The following EIF4E1B variants were observed in gnomAD, a reference collection of about 807,000 sequenced individuals.
EIF4E1B encodes eukaryotic translation initiation factor 4E type 1B.
A neutral mutation model predicts 31.3 loss-of-function variants in EIF4E1B; 22 were observed. That is an observed-to-expected ratio of 0.70 (90% confidence interval 0.50 to 1.00). EIF4E1B has a LOEUF of 1.00. Among genes scored for constraint, EIF4E1B ranks in the 50% least tolerant of loss-of-function variants. The pLI is 0.00. For missense variants in EIF4E1B, 290 were observed against 311.6 expected (o/e 0.93, Z 0.52); for synonymous variants, 126 against 120.2 (o/e 1.05, Z -0.31).
At chr5:176,643,031 AC>A (rs2113446522) in intron 3 of EIF4E1B, 50 bp from the exon 4 acceptor site, 1 of 1,556,654 alleles carries the variant, frequency 6.4e-7, no homozygotes, top group East Asian at 2.4e-5. Context: ...GGGCACAGGG[AC>A]AGCCAGGGCC....
At chr5:176,641,160 T>TAAAAC (rs910569175) in intron 1 of EIF4E1B, among the ~76,000 whole-genome samples, 4 of 151,724 alleles carry the variant, frequency 2.6e-5, no homozygotes, top group South Asian at 2.1e-4. Flanking sequence ...CTCTACAAAA[T>TAAAAC]AAAACAAAAC....
chr5:176,643,003 G>GC, intron 3 of EIF4E1B, 79 bp from the exon 4 acceptor site: 1 of 1,528,524 alleles, frequency 6.5e-7, no homozygotes, highest in Non-Finnish European at 8.8e-7. Flanking sequence ...CCCTCCTGGA[G>GC]CAGGGGATGG....
chr5:176,632,985 G>A lies in EIF4E1B; in HGVS notation c.-202+1921G>A, dbSNP rs533420701. Among the ~76,000 whole-genome samples, 8 of 152,314 alleles carry A rather than the reference G, an allele frequency of 5.3e-5. No individual in the cohort carries two copies. In the South Asian group the frequency reaches 1.7e-3, roughly 32 times the overall value. On this transcript the variant is annotated intron_variant, in intron 1 of 8. Coordinates refer to ENST00000318682, the MANE Select transcript of EIF4E1B (RefSeq NM_001099408.2). ...TGGGGGAGGGGTGTGTTCTGGTGTG[G>A]AAAAGTGGTGGTGGCAGCTCCTGCC...
In EIF4E1B at chr5:176,645,216, T is replaced by C; in HGVS notation, c.447T>C (p.Ile149=). 1.3e-6 allele frequency: 2 copies of C among 1,593,216 alleles called. No homozygotes were observed. Among genetic ancestry groups the C allele is most frequent in the Non-Finnish European group, 1.7e-6 (2 of 1,170,060 alleles). The change falls in exon 7 of 9, where the codon ATT becomes ATC. Residue 149 remains isoleucine, a synonymous_variant. Transcript: ENST00000318682. This position sits in a 1 kb window ranked among gnomAD's most constrained non-coding sequence, Gnocchi z 5.4. ...GCCTGGCCAAGCAGCAGCGCCACATTGAGCTGGACCGGCTGTGGCTGGAGA... is the reference window on the plus strand; with the variant it reads ...GCCTGGCCAAGCAGCAGCGCCACATCGAGCTGGACCGGCTGTGGCTGGAGA... The part of the protein sequence containing the change: ...LVSLAKQQRH[I]ELDRLWLETL...
intron 1 of EIF4E1B, among the ~76,000 whole-genome samples, chr5:176,635,075 T>A (rs1760472367): frequency 6.6e-6 from 1 of 151,620 alleles, no homozygotes; most frequent in African/African-American, 2.4e-5. Flanking sequence ...TAGGGCTGAG[T>A]GTGATCGTCC....
At chr5:176,642,843 C>T in intron 3 of EIF4E1B, 41 bp downstream of exon 3, 1 of 1,438,880 alleles carries the variant, frequency 6.9e-7, no homozygotes, top group Non-Finnish European at 9.2e-7. Flanking sequence ...CACCATGGCC[C>T]CGCCCTCTCC....
chr5:176,639,385 G>A (rs1164208021), intron 1 of EIF4E1B, among the ~76,000 whole-genome samples: 2 of 152,198 alleles, frequency 1.3e-5, no homozygotes, highest in Non-Finnish European at 1.5e-5. Flanking sequence ...AGACTTGGAA[G>A]GGCCTCAGCG....
chr5:176,643,642 G>T lies in EIF4E1B; in HGVS notation c.204G>T (p.Trp68Cys). ...TGCCTCCCCCTTCCCCTACCAGGTG[G>T]GCTCTGTGGTTCTTCAAGAATGACC... ...KLELHPLQNR[W>C]ALWFFKNDRS... Residue 68 changes from tryptophan (W) to cysteine (C), a missense_variant, in exon 5 of 9, where the codon TGG becomes TGT. Coordinates refer to ENST00000318682, the MANE Select transcript of EIF4E1B (RefSeq NM_001099408.2). 6.2e-7 allele frequency: 1 copy of T among 1,606,156 alleles called. No individual in the cohort carries two copies. The highest frequency in any genetic ancestry group is 8.5e-7 in the Non-Finnish European group (1 of 1,176,336).
chr5:176,633,671 G>T (rs1014947207), intron 1 of EIF4E1B, among the ~76,000 whole-genome samples: 2 of 152,146 alleles, frequency 1.3e-5, no homozygotes, highest in African/African-American at 2.4e-5. Context: ...AGTGATTTCT[G>T]TGGCTTGGGA....
At chr5:176,644,325 C>T (rs1760652745) in intron 5 of EIF4E1B, 51 bp from the exon 6 acceptor site, 1 of 1,544,996 alleles carries the variant, frequency 6.5e-7, no homozygotes, top group Non-Finnish European at 8.8e-7. Flanking sequence ...CAGTTGGAAC[C>T]AGGCCCTAAA....
intron 1 of EIF4E1B, among the ~76,000 whole-genome samples, chr5:176,634,450 C>T (rs1352920915): frequency 6.6e-6 from 1 of 152,008 alleles, no homozygotes; most frequent in Non-Finnish European, 1.5e-5. Flanking sequence ...TGTCATTGAA[C>T]AGAAAATTGG....
In EIF4E1B at chr5:176,645,098, G is replaced by T; in HGVS notation, c.361-32G>T. The T allele has an allele frequency of 6.5e-7, 1 of 1,537,862 alleles. No individual in the cohort carries two copies. Among genetic ancestry groups the T allele is most frequent in the Non-Finnish European group, 8.8e-7 (1 of 1,136,070 alleles). On this transcript the variant is annotated intron_variant, in intron 6 of 8. Coordinates refer to ENST00000318682, the MANE Select transcript of EIF4E1B (RefSeq NM_001099408.2). The surrounding 1 kb of genome is among the most constrained non-coding windows in gnomAD (Gnocchi z 5.4). ...GGGTCCCCATTTCCCTTTGAACACA[G>T]GGAGGCAGTTGACTTGCCATCTGCC...
At position 176,645,368 on chromosome 5, in the gene EIF4E1B, C is replaced by T. The variant is rs1356529140; in HGVS notation, c.475-9C>T. ...CCGGTGATCTCACAACCCCCTACTTCGGGTCCAGCTGCTGTGTCTGATCGG... is the reference window on the plus strand; with the variant it reads ...CCGGTGATCTCACAACCCCCTACTTTGGGTCCAGCTGCTGTGTCTGATCGG... On this transcript the variant is annotated splice_polypyrimidine_tract_variant and intron_variant, in intron 7 of 8. Transcript: ENST00000318682. This position sits in a 1 kb window ranked among gnomAD's most constrained non-coding sequence, Gnocchi z 5.4. 15 of 1,535,484 alleles carry T rather than the reference C, an allele frequency of 9.8e-6. No homozygotes were observed. The South Asian group carries it at 1.0e-4, about 10-fold the overall frequency.
At chr5:176,642,870 C>CCCCCCGGGGGGGGGGGG in intron 3 of EIF4E1B, 68 bp downstream of exon 3, 1 of 1,426,048 alleles carries the variant, frequency 7.0e-7, no homozygotes. Context: ...CCCCCCGCCC[C>CCCCCCGGGGGGGGGGGG]AGGTGGGCGG....
Position 176,645,288 on chromosome 5 carries a change from T to A in EIF4E1B, c.474+45T>A. 6.3e-7 allele frequency: 1 copy of A among 1,590,870 alleles called. No homozygotes were observed. Among genetic ancestry groups the A allele is most frequent in the South Asian group, 1.1e-5 (1 of 88,340 alleles). On this transcript the variant is annotated intron_variant, in intron 7 of 8. Coordinates refer to ENST00000318682, the MANE Select transcript of EIF4E1B (RefSeq NM_001099408.2). The surrounding 1 kb of genome is among the most constrained non-coding windows in gnomAD (Gnocchi z 5.4). Reference sequence around the variant, plus strand: ...TCCTCAGGGGAAGAGACGGGCTGTGTGGGTCTCATGGTGGCAGTGGTCTCA... The same window carrying A: ...TCCTCAGGGGAAGAGACGGGCTGTGAGGGTCTCATGGTGGCAGTGGTCTCA...
chr5:176,644,256 C>A, intron 5 of EIF4E1B, 120 bp from the exon 6 acceptor site: 1 of 991,232 alleles, frequency 1.0e-6, no homozygotes, highest in Non-Finnish European at 1.5e-6. Context: ...GGTGGCAGGC[C>A]AGTGTAAGCA....
At chr5:176,641,235 G>A (rs1760570184) in intron 1 of EIF4E1B, among the ~76,000 whole-genome samples, 1 of 152,154 alleles carries the variant, frequency 6.6e-6, no homozygotes, top group Non-Finnish European at 1.5e-5. Flanking sequence ...AGGCTGAGGT[G>A]GGGGAATCAC....
In EIF4E1B at chr5:176,645,857, C is replaced by T. The variant is rs776084974; in HGVS notation, c.615-9C>T. 8 of 1,570,818 alleles carry T rather than the reference C, an allele frequency of 5.1e-6. No homozygotes were observed. The highest frequency in any genetic ancestry group is 1.4e-5 in the African/African-American group (1 of 73,466). On this transcript the variant is annotated splice_polypyrimidine_tract_variant and intron_variant, in intron 8 of 8. Transcript: ENST00000318682. The surrounding 1 kb of genome is among the most constrained non-coding windows in gnomAD (Gnocchi z 5.4). ...TGTCTCTTTTCCTCTGTGTCCCCCG[C>T]ACCTGCAGGCGTGTATACAAAGAGC... is the stretch of plus-strand genomic sequence containing the variant.
At chr5:176,642,833 C>G in intron 3 of EIF4E1B, 31 bp downstream of exon 3, 1 of 1,518,264 alleles carries the variant, frequency 6.6e-7, no homozygotes, top group Non-Finnish European at 8.8e-7. Flanking sequence ...ACCCCCAGTG[C>G]ACCATGGCCC....
Sources: allele counts gnomAD v4.1 joint callset (sites outside exome capture counted in the v4.1 genomes callset), GRCh38; gene constraint gnomAD v4.1.1; non-coding constraint Gnocchi (gnomAD v3.1); transcripts MANE v1.5; gene names NCBI Gene and HGNC (gene_info 2026-07-23, HGNC 2026-07-21).